Variants in NBAS observed in about 807,000 individuals in gnomAD.
NBAS encodes the protein NBAS subunit of NRZ tethering complex, also known as NAG/BC035112 fusion.
In NBAS, 219 loss-of-function variants were observed where a neutral mutation model predicts 302.5. The ratio of observed to expected loss-of-function variants is 0.72; its 90% CI spans 0.65 to 0.81. NBAS has a LOEUF of 0.81. NBAS is among the 30% of genes least tolerant of loss of function. NBAS has a pLI of 0.00. For synonymous variants in NBAS, 1,118 were observed against 1,021.6 expected, an observed-to-expected ratio of 1.09 and a Z score of -1.80; for missense variants, 2,932 against 2,841.6, an observed-to-expected ratio of 1.03 and a Z score of -0.72.
At chr2:15,423,960 T>A (rs1677330195) in intron 23 of NBAS, among the ~76,000 whole-genome samples, 1 of 152,224 alleles carries the variant, frequency 6.6e-6, no homozygotes. Flanking sequence ...TACAATCAAC[T>A]GCATTACTGC....
chr2:15,532,663 C>A (rs115976122), intron 9 of NBAS, among the ~76,000 whole-genome samples: 1,709 of 151,894 alleles, frequency 0.011, 27 homozygotes, highest in African/African-American at 0.037. Context: ...TCAAGAAGTA[C>A]AATGTAAGCT....
chr2:15,266,759 CTACT>C (rs1362020708), intron 44 of NBAS, among the ~76,000 whole-genome samples: 4 of 151,988 alleles, frequency 2.6e-5, no homozygotes, highest in African/African-American at 9.7e-5. Context: ...CCTTCTCTAC[CTACT>C]TACTTACTTA....
In NBAS at chr2:15,356,470, GA is replaced by G. The variant is rs1673628785; in HGVS notation, c.3818-55del. Reference sequence around the variant, plus strand: ...TTATGACAAGCAACGTCAATTGATAGAAGAGCTTGTTAACACTGTCTTTCAA... The same window carrying G: ...TTATGACAAGCAACGTCAATTGATAGAGAGCTTGTTAACACTGTCTTTCAA... On this transcript the variant is annotated intron_variant, in intron 32 of 51. Transcript: ENST00000281513. 4.2e-6 allele frequency: 5 copies of G among 1,200,680 alleles called. No individual in the cohort carries two copies. In the African/African-American group the frequency reaches 6.0e-5, roughly 14 times the overall value. The allele number at this position is 1,200,680 out of a possible 1,614,324, so 74.4% of individuals were successfully genotyped here. A position where few individuals can be genotyped will look rare whatever the true frequency, so the allele number is the denominator to read the frequency against.
the NBAS span, among the ~76,000 whole-genome samples, chr2:14,826,427 G>A: frequency 6.6e-6 from 1 of 152,172 alleles, no homozygotes; most frequent in Non-Finnish European, 1.5e-5. Flanking sequence ...ATGGGATGTG[G>A]TATGTGTGTG....
the NBAS span, among the ~76,000 whole-genome samples, chr2:14,972,161 G>GAA: frequency 3.3e-5 from 5 of 152,174 alleles, no homozygotes; most frequent in African/African-American, 9.7e-5. Flanking sequence ...GGACATGAAT[G>GAA]AAACTAGAAT....
chr2:15,251,193 A>C (rs945498161), intron 44 of NBAS, among the ~76,000 whole-genome samples: 1 of 152,238 alleles, frequency 6.6e-6, no homozygotes, highest in Non-Finnish European at 1.5e-5. Flanking sequence ...CATTCTCAGC[A>C]AACTAACACA....
chr2:15,182,871 G>C (rs560990616), intron 50 of NBAS, among the ~76,000 whole-genome samples: 1 of 152,146 alleles, frequency 6.6e-6, no homozygotes, highest in African/African-American at 2.4e-5. Context: ...CAGGAGTCAC[G>C]AAGGCATTCT....
chr2:15,301,675 G>T (rs953176260), intron 40 of NBAS, among the ~76,000 whole-genome samples: 1 of 152,194 alleles, frequency 6.6e-6, no homozygotes, highest in African/African-American at 2.4e-5. Context: ...AAGTATTTAC[G>T]TTCAAAACAA....
At chr2:15,264,099 G>A (rs1284280299) in intron 44 of NBAS, among the ~76,000 whole-genome samples, 16 of 152,206 alleles carry the variant, frequency 1.1e-4, no homozygotes, top group Non-Finnish European at 1.6e-4. Context: ...AGCAAAGGGA[G>A]TCCAAGTCAC....
At chr2:15,553,043 T>A (rs550797124) in intron 5 of NBAS, among the ~76,000 whole-genome samples, 2 of 152,292 alleles carry the variant, frequency 1.3e-5, no homozygotes. Flanking sequence ...GACCTTGTGA[T>A]CTGCCCGCCT....
intron 42 of NBAS, among the ~76,000 whole-genome samples, chr2:15,282,328 T>G (rs189828656): frequency 6.6e-6 from 1 of 152,318 alleles, no homozygotes; most frequent in East Asian, 1.9e-4. Flanking sequence ...CTTTACAGTG[T>G]AGCAACCCGG....
chr2:15,500,785 G>T (rs1401741489), intron 11 of NBAS, among the ~76,000 whole-genome samples: 1 of 151,732 alleles, frequency 6.6e-6, no homozygotes, highest in Non-Finnish European at 1.5e-5. Context: ...TCAGCCGGGC[G>T]TGGGGGCGGG....
the NBAS span, among the ~76,000 whole-genome samples, chr2:15,120,009 C>T: frequency 1.3e-5 from 2 of 152,126 alleles, no homozygotes; most frequent in African/African-American, 2.4e-5. Flanking sequence ...CCAGTGACCC[C>T]GGCAGGTGGA....
At chr2:15,459,371 T>G (rs141200000) in intron 21 of NBAS, among the ~76,000 whole-genome samples, 1 of 152,188 alleles carries the variant, frequency 6.6e-6, no homozygotes, top group South Asian at 2.1e-4. Flanking sequence ...TGCAAAGAGA[T>G]AGAGAACCAT....
intron 9 of NBAS, among the ~76,000 whole-genome samples, chr2:15,533,212 T>C (rs1393309999): frequency 6.6e-6 from 1 of 152,190 alleles, no homozygotes; most frequent in Non-Finnish European, 1.5e-5. Context: ...ACATTTGACA[T>C]TATCTAGTAA....
At chr2:15,179,526 G>A (rs1287139494) in intron 50 of NBAS, 2 of 198,958 alleles carry the variant, frequency 1.0e-5, no homozygotes, top group Non-Finnish European at 2.1e-5. Context: ...GATGAACGCA[G>A]CATACAACGC....
chr2:15,154,039 A>G, the NBAS span, among the ~76,000 whole-genome samples: 1 of 152,244 alleles, frequency 6.6e-6, no homozygotes, highest in Non-Finnish European at 1.5e-5. Flanking sequence ...GCTGTGAAGC[A>G]TATCATGCCA....
At chr2:14,912,086 T>C in the NBAS span, among the ~76,000 whole-genome samples, 1 of 152,202 alleles carries the variant, frequency 6.6e-6, no homozygotes, top group Non-Finnish European at 1.5e-5. Context: ...CATGTTACCA[T>C]GCTAATACTG....
At chr2:14,855,204 C>G in the NBAS span, among the ~76,000 whole-genome samples, 5 of 152,128 alleles carry the variant, frequency 3.3e-5, no homozygotes, top group South Asian at 1.0e-3. Context: ...AGGAAAGGAC[C>G]CGGTCCTGCC....
Sources: gnomAD v4.1 joint callset for allele counts (sites outside exome capture counted in the v4.1 genomes callset) on GRCh38, gnomAD v4.1.1 for gene constraint, MANE v1.5 for transcripts, NCBI Gene and HGNC (gene_info 2026-07-23, HGNC 2026-07-21) for gene names.